The following C13orf42 variants were observed in gnomAD, a reference collection of about 807,000 sequenced individuals.
C13orf42 encodes uncharacterized protein C13orf42.
chr13:51,151,458 G>A (rs892902714), intron 1 of C13orf42, among the ~76,000 whole-genome samples: 4 of 152,102 alleles, frequency 2.6e-5, no homozygotes, highest in African/African-American at 4.8e-5. Flanking sequence ...TGAACCCTGC[G>A]GACACCTTGA....
At chr13:51,128,412 T>C (rs977387033) in intron 1 of C13orf42, among the ~76,000 whole-genome samples, 2 of 152,098 alleles carry the variant, frequency 1.3e-5, no homozygotes, top group African/African-American at 4.8e-5. Flanking sequence ...CTCAAGGAAA[T>C]AGACGGCAGC....
chr13:51,131,591 T>C (rs1953617109), intron 1 of C13orf42, among the ~76,000 whole-genome samples: 1 of 152,226 alleles, frequency 6.6e-6, no homozygotes, highest in Non-Finnish European at 1.5e-5. Context: ...CTCATAGGTA[T>C]TTGAGGGTAC....
chr13:51,120,992 C>T (rs555751151), intron 1 of C13orf42, among the ~76,000 whole-genome samples: 4 of 152,262 alleles, frequency 2.6e-5, no homozygotes, highest in South Asian at 4.1e-4. Flanking sequence ...CCAGTCTGGG[C>T]GACTGAGCGA....
In C13orf42 at chr13:51,148,527, C is replaced by T. The variant is rs993308265; in HGVS notation, n.136+23726G>A. ...AGCTGTAAGGTAAAAGCCGGCAGCC[C>T]CCTGCAGAGCCAGGAGGCTCACGAA... is the stretch of plus-strand genomic sequence containing the variant. On this transcript the variant is annotated intron_variant and non_coding_transcript_variant, in intron 1 of 4. Coordinates refer to the C13orf42 transcript ENST00000433280. Among the ~76,000 whole-genome samples the T allele has an allele frequency of 3.3e-5, 5 of 152,312 alleles. No individual in the cohort carries two copies. In the South Asian group the frequency reaches 1.0e-3, roughly 32 times the overall value.
At position 51,160,977 on chromosome 13, in the gene C13orf42, AC is replaced by A. The variant is rs368738344; in HGVS notation, n.136+11275del. On this transcript the variant is annotated intron_variant and non_coding_transcript_variant, in intron 1 of 4. Transcript: ENST00000433280. Reference sequence around the variant, plus strand: ...ATTGGAAACAAGAAAAAAAAAAAAAACAAAAAACTGCCAGTTGTCGCATTGT... The same window carrying A: ...ATTGGAAACAAGAAAAAAAAAAAAAAAAAAAACTGCCAGTTGTCGCATTGT... Among the ~76,000 whole-genome samples, 116 of 148,314 alleles carry A rather than the reference AC, an allele frequency of 7.8e-4. 1 individual carries two copies. Among genetic ancestry groups the A allele is most frequent in the East Asian group, 1.4e-3 (7 of 4,940 alleles).
At chr13:51,152,366 G>A (rs532414189) in intron 1 of C13orf42, among the ~76,000 whole-genome samples, 33 of 152,316 alleles carry the variant, frequency 2.2e-4, no homozygotes, top group Admixed American at 2.0e-3. Context: ...TATTTTTTAA[G>A]AGATGGGGTC....
At chr13:51,107,717 T>C (rs1413314423) in intron 1 of C13orf42, among the ~76,000 whole-genome samples, 3 of 152,242 alleles carry the variant, frequency 2.0e-5, no homozygotes, top group Non-Finnish European at 2.9e-5. Flanking sequence ...AAATGATTGA[T>C]AGTATTCACT....
intron 3 of C13orf42, 135 bp downstream of exon 3, chr13:51,085,184 A>AATATATATATATATATATATATAT (rs57050801): frequency 3.7e-5 from 7 of 190,548 alleles, no homozygotes; most frequent in African/African-American, 1.8e-4. Flanking sequence ...AGCAACAACA[A>AATATATATATATATATATATATAT]ATATATATAT....
intron 1 of C13orf42, among the ~76,000 whole-genome samples, chr13:51,090,511 C>G (rs541528661): frequency 6.6e-6 from 1 of 152,242 alleles, no homozygotes; most frequent in East Asian, 1.9e-4. Context: ...CCTCAAAACC[C>G]ACCTCCACAT....
At chr13:51,149,961 C>A (rs1953766876) in intron 1 of C13orf42, among the ~76,000 whole-genome samples, 1 of 152,184 alleles carries the variant, frequency 6.6e-6, no homozygotes, top group Admixed American at 6.5e-5. Flanking sequence ...GTAGAAGATA[C>A]ACATTATTTA....
In C13orf42 at chr13:51,118,626, G is replaced by A. The variant is rs868135810; in HGVS notation, n.137-5404C>T. Reference sequence around the variant, plus strand: ...GCAGCCTCGGCTATCTGCTTTCATCGATGAGAAGTGGTGACTCTTCTTCAG... The same window carrying A: ...GCAGCCTCGGCTATCTGCTTTCATCAATGAGAAGTGGTGACTCTTCTTCAG... On this transcript the variant is annotated intron_variant and non_coding_transcript_variant, in intron 1 of 4. Coordinates refer to the C13orf42 transcript ENST00000433280. Among the ~76,000 whole-genome samples, 12 of 152,270 alleles carry A rather than the reference G, an allele frequency of 7.9e-5. 2 individuals carry two copies. The Middle Eastern group carries it at 0.024, about 302-fold the overall frequency.
chr13:51,138,374 A>C (rs1214856909), intron 1 of C13orf42, among the ~76,000 whole-genome samples: 1 of 152,190 alleles, frequency 6.6e-6, no homozygotes, highest in African/African-American at 2.4e-5. Flanking sequence ...AAAAACAAAA[A>C]CAAAAAAACC....
intron 1 of C13orf42, among the ~76,000 whole-genome samples, chr13:51,159,768 T>G (rs757350472): frequency 3.9e-5 from 6 of 152,114 alleles, no homozygotes; most frequent in Admixed American, 3.9e-4. Context: ...TTATACAGCA[T>G]GAAGTGTCTC....
chr13:51,091,558 G>T (rs1052513488), intron 1 of C13orf42, among the ~76,000 whole-genome samples: 2 of 152,170 alleles, frequency 1.3e-5, no homozygotes, highest in East Asian at 1.9e-4. Context: ...CAGTGTCAGG[G>T]TGACTCTGTA....
intron 1 of C13orf42, among the ~76,000 whole-genome samples, chr13:51,141,909 T>C (rs1290131697): frequency 1.3e-5 from 2 of 152,220 alleles, no homozygotes; most frequent in Admixed American, 1.3e-4. Flanking sequence ...TTTAAAATTA[T>C]TGGTAAAGTT....
intron 1 of C13orf42, among the ~76,000 whole-genome samples, chr13:51,156,212 C>G (rs1308350556): frequency 6.6e-6 from 1 of 152,162 alleles, no homozygotes; most frequent in Admixed American, 6.5e-5. Flanking sequence ...AGGTAGGGAG[C>G]AAACAGTTTG....
intron 1 of C13orf42, among the ~76,000 whole-genome samples, chr13:51,153,630 C>CTTTTTTTTTTTTTTTTTTTTTTTT (rs1206289963): frequency 8.6e-5 from 7 of 81,204 alleles, no homozygotes; most frequent in South Asian, 8.6e-4. Flanking sequence ...TGTTTTTTTT[C>CTTTTTTTTTTTTTTTTTTTTTTTT]TTTTTTTTTT....
chr13:51,127,926 G>C lies in C13orf42; in HGVS notation n.137-14704C>G, dbSNP rs898990933. On this transcript the variant is annotated intron_variant and non_coding_transcript_variant, in intron 1 of 4. Transcript: ENST00000433280. Reference sequence around the variant, plus strand: ...TTAGTCATTCTAAGTCACAGGATGAGATAGGAGGTCGGCACAAGATACAGG... The same window carrying C: ...TTAGTCATTCTAAGTCACAGGATGACATAGGAGGTCGGCACAAGATACAGG... 3.3e-5 allele frequency among the ~76,000 whole-genome samples: 5 copies of C among 152,166 alleles called. No homozygotes were observed. In the East Asian group the frequency reaches 5.8e-4, roughly 18 times the overall value.
At chr13:51,161,372 C>T (rs1363884000) in intron 1 of C13orf42, among the ~76,000 whole-genome samples, 1 of 151,984 alleles carries the variant, frequency 6.6e-6, no homozygotes, top group Non-Finnish European at 1.5e-5. Flanking sequence ...AATGTTTTGA[C>T]CCATGAGGGC....
Sources: allele counts gnomAD v4.1 joint callset (sites outside exome capture counted in the v4.1 genomes callset), GRCh38; gene constraint gnomAD v4.1.1; transcripts MANE v1.5; gene names NCBI Gene and HGNC (gene_info 2026-07-23, HGNC 2026-07-21).